PCDH15: variants seen among roughly 807,000 people sequenced by gnomAD.
PCDH15 encodes the protein protocadherin related 15.
A neutral mutation model predicts 178.5 loss-of-function variants in PCDH15; 129 were observed. The ratio of observed to expected loss-of-function variants is 0.72; its 90% confidence interval spans 0.63 to 0.84. The LOEUF is 0.84. Ranked by LOEUF, PCDH15 falls within the 40% of genes least tolerant of loss-of-function variation. The pLI, the probability that PCDH15 is intolerant of heterozygous loss-of-function variation, is 0.00. For missense variants in PCDH15, 2,230 were observed against 2,099.9 expected (o/e 1.06, Z -1.21); for synonymous variants, 800 against 732.0 (o/e 1.09, Z -1.50).
At chr10:54,153,348 T>C (rs891929453) in intron 13 of PCDH15, 55 bp from the exon 14 acceptor site, 4 of 1,591,956 alleles carry the variant, frequency 2.5e-6, no homozygotes, top group Middle Eastern at 2.0e-4. Context: ...TTCACCACCA[T>C]GTCGTTTTTT....
intron 15 of PCDH15, among the ~76,000 whole-genome samples, chr10:54,096,031 T>A (rs563937110): frequency 7.2e-4 from 109 of 152,220 alleles, no homozygotes; most frequent in African/African-American, 2.6e-3. Context: ...AAAACAATCT[T>A]CTCTGGAGAG....
chr10:54,137,257 T>C (rs1311433074), intron 14 of PCDH15, among the ~76,000 whole-genome samples: 1 of 152,068 alleles, frequency 6.6e-6, no homozygotes, highest in Non-Finnish European at 1.5e-5. Flanking sequence ...ATAAGAAAAA[T>C]TTTATTTTTG....
intron 13 of PCDH15, among the ~76,000 whole-genome samples, chr10:54,178,208 G>C (rs1383684533): frequency 6.6e-6 from 1 of 152,098 alleles, no homozygotes; most frequent in Non-Finnish European, 1.5e-5. Context: ...TGTAGAAATA[G>C]ACTGATGGGA....
chr10:54,049,065 T>A (rs1207553031), intron 18 of PCDH15, among the ~76,000 whole-genome samples: 1 of 152,174 alleles, frequency 6.6e-6, no homozygotes, highest in African/African-American at 2.4e-5. Context: ...TTTGTAGGTC[T>A]CCTTGTAGCA....
chr10:55,286,628 A>G (rs1842877941), intron 1 of PCDH15, among the ~76,000 whole-genome samples: 1 of 151,914 alleles, frequency 6.6e-6, no homozygotes, highest in Admixed American at 6.6e-5. Context: ...TCAAACCTGC[A>G]ATTTACACAG....
At chr10:54,642,373 C>T (rs1181815919) in intron 2 of PCDH15, among the ~76,000 whole-genome samples, 1 of 152,162 alleles carries the variant, frequency 6.6e-6, no homozygotes, top group Non-Finnish European at 1.5e-5. Flanking sequence ...ATTTATAGTG[C>T]TATGTTATAG....
chr10:53,932,338 C>A (rs528676318), intron 25 of PCDH15, among the ~76,000 whole-genome samples: 4 of 152,182 alleles, frequency 2.6e-5, no homozygotes, highest in Non-Finnish European at 4.4e-5. Context: ...AGGCAAAGAA[C>A]AGTCACAGGC....
intron 2 of PCDH15, among the ~76,000 whole-genome samples, chr10:55,582,626 A>T (rs958357474): frequency 0.4 from 23,226 of 57,814 alleles, 3,577 homozygotes; most frequent in East Asian, 0.52. Flanking sequence ...ATATATATAT[A>T]TATTTTTTTT....
chr10:54,195,759 A>T lies in PCDH15; in HGVS notation c.1229T>A (p.Val410Glu). Reference sequence around the variant, plus strand: ...GAGACTGTCCGAAATGGTTGCTCCCACTGGGGCAGATTCCAGGATATAGCC... The same window carrying T: ...GAGACTGTCCGAAATGGTTGCTCCCTCTGGGGCAGATTCCAGGATATAGCC... Reference protein sequence around the residue: ...YQGYILESAPVGATISDSLNL... With the variant: ...YQGYILESAPEGATISDSLNL... Residue 410 changes from valine (V) to glutamate (E), a missense_variant, in exon 11 of 38, where the codon GTG becomes GAG. Coordinates refer to ENST00000644397, the MANE Select transcript of PCDH15 (RefSeq NM_001384140.1). 6.2e-7 allele frequency: 1 copy of T among 1,614,146 alleles called. No homozygotes were observed. Among genetic ancestry groups the T allele is most frequent in the Non-Finnish European group, 8.5e-7 (1 of 1,180,002 alleles).
intron 1 of PCDH15, among the ~76,000 whole-genome samples, chr10:54,665,963 A>C (rs899405979): frequency 2.2e-4 from 34 of 151,956 alleles, no homozygotes; most frequent in African/African-American, 8.2e-4. Context: ...CTTTTTTTTT[A>C]AATTCAAGCT....
chr10:54,636,084 T>A (rs1019074412), intron 2 of PCDH15, among the ~76,000 whole-genome samples: 1 of 151,924 alleles, frequency 6.6e-6, no homozygotes, highest in African/African-American at 2.4e-5. Flanking sequence ...ATTAATCCAG[T>A]AATACTAAAA....
chr10:55,088,911 C>A (rs1035677519), intron 2 of PCDH15, among the ~76,000 whole-genome samples: 2 of 152,032 alleles, frequency 1.3e-5, no homozygotes, highest in South Asian at 4.1e-4. Flanking sequence ...ATATTTAGCA[C>A]CCTAAAACAT....
At chr10:54,909,983 C>T (rs1271531824) in intron 2 of PCDH15, among the ~76,000 whole-genome samples, 3 of 152,138 alleles carry the variant, frequency 2.0e-5, no homozygotes, top group Admixed American at 2.0e-4. Context: ...GTGCCTTCAG[C>T]TGGGTGCTTT....
At chr10:53,947,580 C>T (rs538293663) in intron 23 of PCDH15, among the ~76,000 whole-genome samples, 15 of 151,660 alleles carry the variant, frequency 9.9e-5, no homozygotes, top group Middle Eastern at 3.4e-3. Context: ...ACTAGAACTC[C>T]GATTATTTAT....
intron 3 of PCDH15, among the ~76,000 whole-genome samples, chr10:54,862,647 C>G (rs1240801644): frequency 6.6e-6 from 1 of 152,166 alleles, no homozygotes; most frequent in African/African-American, 2.4e-5. Context: ...TGAGTAGATT[C>G]TGACTCTTTC....
chr10:55,532,980 G>GTAAACT lies in PCDH15; in HGVS notation c.-156+94644_-156+94645insAGTTTA, dbSNP rs1841486703. 5.3e-5 allele frequency among the ~76,000 whole-genome samples: 8 copies of GTAAACT among 151,932 alleles called. No individual in the cohort carries two copies. In the Admixed American group the frequency reaches 5.3e-4, roughly 10 times the overall value. On this transcript the variant is annotated intron_variant, in intron 2 of 5. Coordinates refer to the PCDH15 transcript ENST00000613346. ...TTTGACATTTCTTTACAGTTTCTCA[G>GTAAACT]GACATTAAAATTTCCAATTCCTACA... is the stretch of plus-strand genomic sequence containing the variant.
chr10:54,903,114 G>T (rs1954664344), intron 2 of PCDH15, among the ~76,000 whole-genome samples: 1 of 152,098 alleles, frequency 6.6e-6, no homozygotes, highest in African/African-American at 2.4e-5. Flanking sequence ...GCAGAAAAGA[G>T]TGTCCTTCAT....
chr10:54,197,319 T>TA (rs1325567138), intron 10 of PCDH15, among the ~76,000 whole-genome samples: 1 of 151,994 alleles, frequency 6.6e-6, no homozygotes, highest in Non-Finnish European at 1.5e-5. Context: ...TTCTGTTTTT[T>TA]AAAAAATATA....
intron 26 of PCDH15, 87 bp downstream of exon 26, chr10:53,903,156 G>A (rs1200943970): frequency 4.8e-6 from 7 of 1,463,350 alleles, no homozygotes; most frequent in Non-Finnish European, 6.6e-6. Context: ...GCATAAGTAT[G>A]CAGTTAATGC....
Sources: allele counts gnomAD v4.1 joint callset (sites outside exome capture counted in the v4.1 genomes callset), GRCh38; gene constraint gnomAD v4.1.1; transcripts MANE v1.5; gene names NCBI Gene and HGNC (gene_info 2026-07-23, HGNC 2026-07-21).